ROBO3: variants seen among roughly 807,000 people sequenced by gnomAD.
ROBO3 encodes roundabout guidance receptor 3.
Under a neutral mutation model 160.5 loss-of-function variants are expected in ROBO3, and 97 were observed. The observed-to-expected ratio is 0.60, with a 90% CI of 0.51 to 0.72. ROBO3 has a LOEUF of 0.72. Ranked by LOEUF, ROBO3 falls within the 30% of genes least tolerant of loss-of-function variation. The pLI, the probability that ROBO3 is intolerant of heterozygous loss-of-function variation, is 0.00. For synonymous variants in ROBO3, 780 were observed against 746.2 expected (o/e 1.05, Z -0.74); for missense variants, 1,858 against 1,846.5 (o/e 1.01, Z -0.11).
rs1946547409 is a variant in ROBO3 at position 124,880,449 on chromosome 11, C to A, written c.3990C>A (p.Ser1330Arg). ...EEAWLPYSRP[S>R]FLSRGQGTST... ...CCTGGCTCCCATACAGCAGACCAAGCTTCCTGTCCCGGGGCCAGGGCACCA... is the reference window on the plus strand; with the variant it reads ...CCTGGCTCCCATACAGCAGACCAAGATTCCTGTCCCGGGGCCAGGGCACCA... The change falls in exon 27 of 28, where the codon AGC becomes AGA. Residue 1330 changes from serine (S) to arginine (R), a missense_variant. Physicochemically the swap from Ser to Arg is moderately radical, Grantham distance 110. Transcript: ENST00000397801. 1 of 1,612,734 alleles carries A rather than the reference C, an allele frequency of 6.2e-7. No homozygotes were observed.
At position 124,878,572 on chromosome 11, in the gene ROBO3, CTT is replaced by C; in HGVS notation, c.3321-10_3321-9del. The C allele has an allele frequency of 6.2e-7, 1 of 1,609,134 alleles. No individual in the cohort carries two copies. On this transcript the variant is annotated splice_polypyrimidine_tract_variant and intron_variant, in intron 22 of 27. Transcript: ENST00000397801. This position sits in a 1 kb window ranked among gnomAD's most constrained non-coding sequence, Gnocchi z 4.3. Reference sequence around the variant, plus strand: ...TGAGCCCTTTCCTTCTCTCCTGCCTCTTTGATCCCAGCTCAGAGCCAGAGGAG... The same window carrying C: ...TGAGCCCTTTCCTTCTCTCCTGCCTCTGATCCCAGCTCAGAGCCAGAGGAG...
At chr11:124,874,372 G>A in intron 12 of ROBO3, 136 bp downstream of exon 12, 2 of 773,970 alleles carry the variant, frequency 2.6e-6, no homozygotes, top group Non-Finnish European at 4.0e-6. Context: ...GGCCCGGCCT[G>A]GAATAGGAGA....
In ROBO3 at chr11:124,879,808, C is replaced by A. The variant is rs915585110; in HGVS notation, c.3818C>A (p.Pro1273Gln). The change falls in exon 26 of 28, where the codon CCA becomes CAA. Residue 1273 changes from proline (P) to glutamine (Q), a missense_variant. By Grantham distance (76) the Pro-to-Gln change is moderately conservative. Coordinates refer to ENST00000397801, the MANE Select transcript of ROBO3 (RefSeq NM_022370.4). ...CCAGACTTGCCCCCACCACCCTTGC[C>A]ACCGCCAGAGGAAGAGGCGAGCTGG... is the stretch of plus-strand genomic sequence containing the variant. ...SPGDLPPPPLPPPEEEASWAL... is the reference protein window; with the variant it reads ...SPGDLPPPPLQPPEEEASWAL... 1.9e-6 allele frequency: 3 copies of A among 1,613,796 alleles called. No homozygotes were observed. In the African/African-American group the frequency reaches 4.0e-5, roughly 22 times the overall value.
chr11:124,879,514 C>T lies in ROBO3; in HGVS notation c.3735C>T (p.Pro1245=). 6.2e-7 allele frequency: 1 copy of T among 1,613,916 alleles called. No individual in the cohort carries two copies. Among genetic ancestry groups the T allele is most frequent in the Non-Finnish European group, 8.5e-7 (1 of 1,179,860 alleles). The change falls in exon 25 of 28, where the codon CCC becomes CCT. Residue 1245 remains proline, a synonymous_variant. Transcript: ENST00000397801. ...NGEMTPPLQG[P]RARFRKKPKA... is the part of the protein sequence containing the mutation. ...AGATGACTCCCCCACTTCAAGGACC[C>T]CGTGCTCGATTCCGGAAGAAACCCA...
chr11:124,869,337 C>A lies in ROBO3; in HGVS notation c.488-113C>A, dbSNP rs140174577. 2.4e-5 allele frequency: 28 copies of A among 1,172,138 alleles called. No individual in the cohort carries two copies. In the East Asian group the frequency reaches 6.8e-4, roughly 28 times the overall value. The allele number at this position is 1,172,138 out of a possible 1,614,324, so 72.6% of individuals were successfully genotyped here. On this transcript the variant is annotated intron_variant, in intron 2 of 27. Coordinates refer to ENST00000397801, the MANE Select transcript of ROBO3 (RefSeq NM_022370.4). This position sits in a 1 kb window ranked among gnomAD's most constrained non-coding sequence, Gnocchi z 4.2. ...AGGCTGATATTTTCTCACCTGGGAA[C>A]GAATTCCAGTCTGCAGCGATCAACC...
rs763435599 is a variant in ROBO3, at chr11:124,870,027, C to T, written c.725C>T (p.Ala242Val). Residue 242 changes from alanine (A) to valine (V), a missense_variant, in exon 4 of 28, where the codon GCG becomes GTG. Physicochemically the swap from Ala to Val is moderately conservative, Grantham distance 64 (BLOSUM62 0). Transcript: ENST00000397801. ...GMYVCVASNMAGERESAAAEV... is the reference protein window; with the variant it reads ...GMYVCVASNMVGERESAAAEV... ...TATGTGTGCGTAGCCTCCAACATGG[C>T]GGGAGAACGGGAGAGTGCGGCAGCT... 5.8e-5 allele frequency: 93 copies of T among 1,613,752 alleles called. No homozygotes were observed. The highest frequency in any genetic ancestry group is 7.7e-5 in the Non-Finnish European group (91 of 1,179,854).
Position 124,875,190 on chromosome 11 carries a change from T to C in ROBO3, c.2153T>C (p.Met718Thr). ...GGCCCTGAGGGAGGAAGCTGGACAA[T>C]GTTGGACCTACAGTCCCCAAGCCAG... ...VAGPEGGSWT[M>T]LDLQSPSQQS... The change falls in exon 14 of 28, where the codon ATG (methionine) becomes ACG (threonine). Residue 718 changes from methionine to threonine, a missense_variant. Transcript: ENST00000397801. 6.2e-7 allele frequency: 1 copy of C among 1,613,778 alleles called. No homozygotes were observed. The highest frequency in any genetic ancestry group is 1.3e-5 in the African/African-American group (1 of 74,996).
chr11:124,879,616 G>A (rs1236592873), intron 25 of ROBO3, 41 bp downstream of exon 25: 8 of 1,556,624 alleles, frequency 5.1e-6, no homozygotes, highest in South Asian at 1.1e-5. Flanking sequence ...CAGTAGTGGC[G>A]GGGGGATAGG....
rs201977255 is a variant in ROBO3 at position 124,875,934 on chromosome 11, C to T, written c.2422-20C>T. 2,497 of 1,585,326 alleles carry T rather than the reference C, an allele frequency of 1.6e-3. 10 individuals carry two copies. The Middle Eastern group carries it at 0.03, about 19-fold the overall frequency. ...AAGAATCCCATTTCTGACTCTAAAT[C>T]CGGGACTCGGCCTCCCTAGATCTGG... On this transcript the variant is annotated intron_variant, in intron 15 of 27. Coordinates refer to ENST00000397801, the MANE Select transcript of ROBO3 (RefSeq NM_022370.4).
Position 124,876,519 on chromosome 11 carries a change from G to A in ROBO3, c.2779+59G>A. ...GAGGGAGCCAGGCGGCCCATGGGGA[G>A]GGGCAGGGGCTTAGCCGCTGGCGAG... On this transcript the variant is annotated intron_variant, in intron 17 of 27. Transcript: ENST00000397801. The surrounding 1 kb of genome is among the most constrained non-coding windows in gnomAD (Gnocchi z 5.3). 7.6e-7 allele frequency: 1 copy of A among 1,311,170 alleles called. No individual in the cohort carries two copies. Among genetic ancestry groups the A allele is most frequent in the Non-Finnish European group, 9.8e-7 (1 of 1,023,216 alleles). The allele number at this position is 1,311,170 out of a possible 1,614,324, so 81.2% of individuals were successfully genotyped here. A position where few individuals can be genotyped will look rare whatever the true frequency, so the allele number is the denominator to read the frequency against.
At chr11:124,874,265 C>T in intron 12 of ROBO3, 29 bp downstream of exon 12, 1 of 1,590,964 alleles carries the variant, frequency 6.3e-7, no homozygotes, top group Non-Finnish European at 8.6e-7. Flanking sequence ...GGCTCATGAG[C>T]ATGAAATGTA....
At chr11:124,875,722 G>C (rs1797608503) in intron 15 of ROBO3, 37 bp downstream of exon 15, 2 of 1,574,942 alleles carry the variant, frequency 1.3e-6, no homozygotes, top group Middle Eastern at 1.7e-4. Flanking sequence ...GGGAGGGCCA[G>C]GCCGGGAGGG....
Position 124,865,749 on chromosome 11 carries a change from C to T in ROBO3, c.160+12C>T, listed in dbSNP as rs145440217. 536 of 1,598,900 alleles carry T rather than the reference C, an allele frequency of 3.4e-4. 3 individuals are homozygous for T. The East Asian group carries it at 0.012, about 35-fold the overall frequency. ...TCCCTCTCTCAACGGTGAGACCCTG[C>T]CTCTTGGGGATATGGGATCCTGGGA... On this transcript the variant is annotated intron_variant, in intron 1 of 27. Coordinates refer to ENST00000397801, the MANE Select transcript of ROBO3 (RefSeq NM_022370.4). This position sits in a 1 kb window ranked among gnomAD's most constrained non-coding sequence, Gnocchi z 5.5.
rs189591181 is a variant in ROBO3, at chr11:124,872,800, T to G, written c.1331-84T>G. The G allele has an allele frequency of 7.9e-4, 962 of 1,211,474 alleles. 4 individuals carry two copies. In the African/African-American group the frequency reaches 0.011, roughly 14 times the overall value. 75.0% of individuals were successfully genotyped at this position (1,211,474 alleles called of 1,614,324 possible). On this transcript the variant is annotated intron_variant, in intron 8 of 27. Transcript: ENST00000397801. This position sits in a 1 kb window ranked among gnomAD's most constrained non-coding sequence, Gnocchi z 4.3. ...GTTTCAGGGGCTGGGGTAGGGAGGG[T>G]GAAGGAGCAGAGAATGAGGACAAGG... is the stretch of plus-strand genomic sequence containing the variant.
chr11:124,870,580 C>G (rs1296381581), intron 5 of ROBO3, 21 bp from the exon 6 acceptor site: 1 of 1,613,632 alleles, frequency 6.2e-7, no homozygotes, highest in Admixed American at 1.7e-5. Context: ...CCAACCCAGC[C>G]TGGGGTGGGG....
chr11:124,877,802 A>T (rs1355104993), intron 20 of ROBO3, 135 bp from the exon 21 acceptor site: 2 of 1,212,826 alleles, frequency 1.6e-6, no homozygotes. Flanking sequence ...TCTCAGACCT[A>T]CCTCCACCCT....
At position 124,870,615 on chromosome 11, in the gene ROBO3, G is replaced by C; in HGVS notation, c.920G>C (p.Ser307Thr). ...ELPTGRYEIR[S>T]DHSLWIGHVS... ...GAGTGGAGCAGGTATGAGATCCGGAGTGACCACAGCCTTTGGATTGGGCAT... is the reference window on the plus strand; with the variant it reads ...GAGTGGAGCAGGTATGAGATCCGGACTGACCACAGCCTTTGGATTGGGCAT... The change falls in exon 6 of 28, where the codon AGT becomes ACT. Residue 307 changes from serine to threonine, a missense_variant. Physicochemically the swap from Ser to Thr is moderately conservative, Grantham distance 58. Coordinates refer to ENST00000397801, the MANE Select transcript of ROBO3 (RefSeq NM_022370.4). 6.2e-7 allele frequency: 1 copy of C among 1,613,824 alleles called. No homozygotes were observed. The highest frequency in any genetic ancestry group is 8.5e-7 in the Non-Finnish European group (1 of 1,179,860).
chr11:124,879,443 T>C lies in ROBO3; in HGVS notation c.3686-22T>C, dbSNP rs369816941. 56 of 1,611,960 alleles carry C rather than the reference T, an allele frequency of 3.5e-5. No individual in the cohort carries two copies. The African/African-American group carries it at 6.9e-4, about 20-fold the overall frequency. On this transcript the variant is annotated intron_variant, in intron 24 of 27. Transcript: ENST00000397801. Reference sequence around the variant, plus strand: ...TGATTTTTGCCCTTACCCATTCCTCTTCCCGTCTCCTAACACTGCAGGCAG... The same window carrying C: ...TGATTTTTGCCCTTACCCATTCCTCCTCCCGTCTCCTAACACTGCAGGCAG...
intron 15 of ROBO3, 118 bp downstream of exon 15, chr11:124,875,803 T>A: frequency 6.9e-7 from 1 of 1,455,874 alleles, no homozygotes; most frequent in Non-Finnish European, 9.5e-7. Context: ...GGGTTGGGGA[T>A]GAGTTTAGGG....
Sources: gnomAD v4.1 joint callset for allele counts on GRCh38, gnomAD v4.1.1 for gene constraint, Gnocchi (gnomAD v3.1) non-coding constraint, MANE v1.5 for transcripts, NCBI Gene and HGNC (gene_info 2026-07-23, HGNC 2026-07-21) for gene names.